The following SYCE1L variants were observed in gnomAD, a reference collection of about 807,000 sequenced individuals.
SYCE1L encodes synaptonemal complex central element protein 1-like.
Under a neutral mutation model 39.6 loss-of-function variants are expected in SYCE1L, and 51 were observed. The ratio of observed to expected loss-of-function variants is 1.29; its 90% CI spans 1.03 to 1.63. The LOEUF is 1.63. Ranked by LOEUF, SYCE1L falls within the 40% of genes most tolerant of loss-of-function variation. The probability of loss-of-function intolerance (pLI) is 0.00; values close to 1 mark genes in which losing one functional copy is unlikely to be tolerated. For synonymous variants in SYCE1L, 147 were observed against 122.4 expected, an observed-to-expected ratio of 1.20 and a Z score of -1.33; for missense variants, 426 against 304.9, an observed-to-expected ratio of 1.40 and a Z score of -2.96.
intron 5 of SYCE1L, 103 bp downstream of exon 5, chr16:77,209,247 G>A (rs1337323790): frequency 2.1e-6 from 3 of 1,415,732 alleles, no homozygotes; most frequent in Non-Finnish European, 2.9e-6. Context: ...CTAAGGCAGG[G>A]TGCTTCCCTC....
At chr16:77,207,009 A>G (rs1343413758) in intron 2 of SYCE1L, among the ~76,000 whole-genome samples, 1 of 152,166 alleles carries the variant, frequency 6.6e-6, no homozygotes, top group Middle Eastern at 3.2e-3. Context: ...CTATCACGTC[A>G]GTCTATTCCA....
intron 4 of SYCE1L, among the ~76,000 whole-genome samples, 169 bp downstream of exon 4, chr16:77,208,708 G>C (rs1207746573): frequency 6.6e-6 from 1 of 152,146 alleles, no homozygotes; most frequent in Non-Finnish European, 1.5e-5. Flanking sequence ...ATTTCACCCT[G>C]ATAGGCCTAT....
At chr16:77,208,577 G>A in intron 4 of SYCE1L, 38 bp downstream of exon 4, 1 of 1,546,196 alleles carries the variant, frequency 6.5e-7, no homozygotes. Context: ...CAACACTGCA[G>A]ATGTTCCTGT....
At chr16:77,199,727 A>G (rs1178396198) in intron 1 of SYCE1L, 2 of 515,072 alleles carry the variant, frequency 3.9e-6, no homozygotes, top group Non-Finnish European at 3.4e-6. Flanking sequence ...ACTTTTGTCA[A>G]CTGTAGTGTA....
intron 2 of SYCE1L, among the ~76,000 whole-genome samples, chr16:77,207,326 G>C (rs892330467): frequency 6.6e-6 from 1 of 152,176 alleles, no homozygotes; most frequent in Non-Finnish European, 1.5e-5. Flanking sequence ...GCAAGGGTTG[G>C]ACAGCTTTTT....
At chr16:77,201,919 G>A (rs2054747635) in intron 1 of SYCE1L, 1 of 152,156 alleles carries the variant, frequency 6.6e-6, no homozygotes, top group Non-Finnish European at 1.5e-5. Flanking sequence ...AAACAAAAAT[G>A]GAGGGGGGTA....
chr16:77,211,456 C>T (rs912063737), intron 7 of SYCE1L, among the ~76,000 whole-genome samples, 180 bp downstream of exon 7: 1 of 152,156 alleles, frequency 6.6e-6, no homozygotes, highest in African/African-American at 2.4e-5. Flanking sequence ...TTACGCCTCA[C>T]CATGCCCCAC....
intron 1 of SYCE1L, chr16:77,200,256 G>GTATATATATATATGTATATATATA (rs2054719886): frequency 2.4e-5 from 2 of 83,614 alleles, no homozygotes; most frequent in African/African-American, 7.4e-5. Flanking sequence ...ATGTATATGT[G>GTATATATATATATGTATATATATA]TATATATATA....
At chr16:77,212,433 G>T in intron 9 of SYCE1L, 64 bp downstream of exon 9, 1 of 1,533,544 alleles carries the variant, frequency 6.5e-7, no homozygotes, top group African/African-American at 1.4e-5. Context: ...ACCCGCCCAG[G>T]TCCCCCGCTC....
intron 4 of SYCE1L, 32 bp from the exon 5 acceptor site, chr16:77,209,065 C>T: frequency 1.9e-6 from 3 of 1,551,490 alleles, no homozygotes; most frequent in Non-Finnish European, 2.6e-6. Flanking sequence ...AATGGGGTGC[C>T]TGGAGGCAGA....
At chr16:77,210,857 T>C (rs989406461) in intron 6 of SYCE1L, among the ~76,000 whole-genome samples, 2 of 152,186 alleles carry the variant, frequency 1.3e-5, no homozygotes, top group African/African-American at 4.8e-5. Flanking sequence ...GATGGGTCAT[T>C]CAGAGAATAT....
chr16:77,208,373 G>A, intron 3 of SYCE1L, 92 bp from the exon 4 acceptor site: 1 of 1,542,458 alleles, frequency 6.5e-7, no homozygotes, highest in Non-Finnish European at 8.8e-7. Flanking sequence ...CTCTAGGGTT[G>A]TTTGAAGATG....
At position 77,212,347 on chromosome 16, in the gene SYCE1L, G is replaced by C; in HGVS notation, c.559G>C (p.Gly187Arg). ...GCTGCACTCGCCGCCTGAGGTCGAG[G>C]GCGCCATGGCGGTGAATGACGGGTG... ...RRLHSPPEVE[G>R]AMAVNDGLKA... is the part of the protein sequence containing the mutation. The change falls in exon 9 of 11, where the codon GGC becomes CGC. Residue 187 changes from glycine to arginine, a missense_variant. Coordinates refer to ENST00000378644, the MANE Select transcript of SYCE1L (RefSeq NM_001129979.3). The C allele has an allele frequency of 1.3e-6, 2 of 1,527,548 alleles. No individual in the cohort carries two copies. Among genetic ancestry groups the C allele is most frequent in the Non-Finnish European group, 1.8e-6 (2 of 1,138,640 alleles). 94.6% of individuals were successfully genotyped at this position (1,527,548 alleles called of 1,614,324 possible).
At chr16:77,203,445 T>C (rs897254374) in intron 1 of SYCE1L, among the ~76,000 whole-genome samples, 1 of 141,410 alleles carries the variant, frequency 7.1e-6, no homozygotes, top group African/African-American at 2.6e-5. Context: ...ATAAAGAAGG[T>C]GAACATACCA....
chr16:77,207,841 T>C (rs1567426279), intron 2 of SYCE1L, among the ~76,000 whole-genome samples: 1 of 152,168 alleles, frequency 6.6e-6, no homozygotes, highest in Non-Finnish European at 1.5e-5. Flanking sequence ...GCACTCTGCC[T>C]GGAATGGGTC....
Position 77,211,072 on chromosome 16 carries a change from C to A in SYCE1L, c.360-141C>A, listed in dbSNP as rs2054818895. On this transcript the variant is annotated intron_variant, in intron 6 of 10. Transcript: ENST00000378644. ...TTTGTTGGAAGAGGTGCTACGGGAACCAAAGCTTAGAGGATAAAACCCATG... is the reference window on the plus strand; with the variant it reads ...TTTGTTGGAAGAGGTGCTACGGGAAACAAAGCTTAGAGGATAAAACCCATG... 28 of 872,424 alleles carry A rather than the reference C, an allele frequency of 3.2e-5. No homozygotes were observed. The South Asian group carries it at 4.4e-4, about 14-fold the overall frequency. 54.0% of individuals were successfully genotyped at this position (872,424 alleles called of 1,614,324 possible).
At chr16:77,201,478 G>A (rs1361008837) in intron 1 of SYCE1L, 1 of 152,224 alleles carries the variant, frequency 6.6e-6, no homozygotes, top group East Asian at 1.9e-4. Context: ...TGACGACCTT[G>A]TAGAGAAACA....
At chr16:77,209,563 G>A in intron 6 of SYCE1L, 92 bp downstream of exon 6, 1 of 1,394,662 alleles carries the variant, frequency 7.2e-7, no homozygotes, top group Non-Finnish European at 9.9e-7. Context: ...GGACACAGAA[G>A]CCTCATTTTA....
intron 6 of SYCE1L, 79 bp downstream of exon 6, chr16:77,209,550 C>A: frequency 1.4e-6 from 2 of 1,476,188 alleles, no homozygotes; most frequent in Non-Finnish European, 9.2e-7. Context: ...GGAAATGAAT[C>A]TTGGACACAG....
Sources: allele counts gnomAD v4.1 joint callset (sites outside exome capture counted in the v4.1 genomes callset), GRCh38; gene constraint gnomAD v4.1.1; transcripts MANE v1.5; gene names NCBI Gene and HGNC (gene_info 2026-07-23, HGNC 2026-07-21).